Variants in VPS26C observed in about 807,000 individuals in gnomAD.
VPS26C encodes VPS26 endosomal protein sorting factor C.
In VPS26C, 19 loss-of-function variants were observed where a neutral mutation model predicts 30.6. That is an observed-to-expected ratio of 0.62 (90% confidence interval 0.43 to 0.91). The LOEUF is 0.91. Among genes scored for constraint, VPS26C ranks in the 40% least tolerant of loss-of-function variants. The probability of loss-of-function intolerance (pLI) is 0.00; values close to 1 mark genes in which losing one functional copy is unlikely to be tolerated. For missense variants in VPS26C, 318 were observed against 385.1 expected (o/e 0.83, Z 1.46); for synonymous variants, 132 against 151.5 (o/e 0.87, Z 0.95).
At chr21:37,235,471 T>A (rs1365819394) in intron 3 of VPS26C, among the ~76,000 whole-genome samples, 1 of 152,222 alleles carries the variant, frequency 6.6e-6, no homozygotes, top group Non-Finnish European at 1.5e-5. Flanking sequence ...ATAAAAGGAA[T>A]TTTTAACTTT....
In VPS26C at chr21:37,240,465, A is replaced by G. The variant is rs752828102; in HGVS notation, c.201+31T>C. The G allele has an allele frequency of 7.5e-6, 12 of 1,608,334 alleles. No individual in the cohort carries two copies. In the South Asian group the frequency reaches 1.3e-4, roughly 18 times the overall value. On this transcript the variant is annotated intron_variant, in intron 2 of 7. Transcript: ENST00000309117. ...CAGCCCAACATTTCAATATTGAACT[A>G]AAAACTTGCAATCTAAGCATTCTTT...
At chr21:37,267,388 T>TC, upstream of VPS26C, 4 of 1,149,502 alleles carry the variant, frequency 3.5e-6, no homozygotes, top group Non-Finnish European at 5.2e-6. Flanking sequence ...CCCGCCCCTT[T>TC]CCCTCTCTGC....
At chr21:37,254,013 G>A (rs1290743320) in intron 1 of VPS26C, among the ~76,000 whole-genome samples, 3 of 152,194 alleles carry the variant, frequency 2.0e-5, no homozygotes, top group South Asian at 2.1e-4. Flanking sequence ...ACTGGCATAA[G>A]TGCATGTAAA....
At chr21:37,264,492 A>G (rs1210223809) in intron 1 of VPS26C, among the ~76,000 whole-genome samples, 2 of 152,212 alleles carry the variant, frequency 1.3e-5, no homozygotes, top group Non-Finnish European at 2.9e-5. Context: ...CATATTTAAA[A>G]CCACAGAAAA....
At chr21:37,260,292 G>A (rs2086291014) in intron 1 of VPS26C, among the ~76,000 whole-genome samples, 1 of 152,052 alleles carries the variant, frequency 6.6e-6, no homozygotes, top group Admixed American at 6.5e-5. Context: ...GTGTTTCCAT[G>A]GGAAATTTAA....
At position 37,232,366 on chromosome 21, in the gene VPS26C, G is replaced by C. The variant is rs537961312; in HGVS notation, c.507+11C>G. On this transcript the variant is annotated intron_variant, in intron 5 of 7. Coordinates refer to ENST00000309117, the MANE Select transcript of VPS26C (RefSeq NM_006052.2). ...GATACCCACGGCATTCGCCTGTGCA[G>C]GACGTCTTACCTCTTTGACGTTCTG... 4.3e-6 allele frequency: 7 copies of C among 1,613,332 alleles called. No individual in the cohort carries two copies. The South Asian group carries it at 7.7e-5, about 18-fold the overall frequency.
At chr21:37,267,214 T>TACC in intron 1 of VPS26C, 24 bp downstream of exon 1, 2 of 457,108 alleles carry the variant, frequency 4.4e-6, no homozygotes, top group Admixed American at 2.6e-5. Flanking sequence ...CCCACCTCCA[T>TACC]CCCCACCCCC....
At chr21:37,242,872 C>T (rs1223653661) in intron 1 of VPS26C, among the ~76,000 whole-genome samples, 2 of 152,118 alleles carry the variant, frequency 1.3e-5, no homozygotes, top group South Asian at 2.1e-4. Flanking sequence ...TGACATACCT[C>T]GGAAGTAAGC....
Position 37,248,405 on chromosome 21 carries a change from C to T in VPS26C, c.58-7766G>A, listed in dbSNP as rs531718155. Among the ~76,000 whole-genome samples the T allele has an allele frequency of 4.0e-5, 6 of 151,690 alleles. No individual in the cohort carries two copies. The South Asian group carries it at 1.3e-3, about 32-fold the overall frequency. On this transcript the variant is annotated intron_variant, in intron 1 of 7. Transcript: ENST00000309117. ...AATCAAAAAAGAAAAACACAAATAT[C>T]CAAAATAAGAAATAAGAGCAGAAAT...
At position 37,232,402 on chromosome 21, in the gene VPS26C, G is replaced by C. The variant is rs571301330; in HGVS notation, c.482C>G (p.Pro161Arg). 10 of 1,614,204 alleles carry C rather than the reference G, an allele frequency of 6.2e-6. No homozygotes were observed. The highest frequency in any genetic ancestry group is 1.3e-5 in the African/African-American group (1 of 75,064). Residue 161 changes from proline (P) to arginine (R), a missense_variant, in exon 5 of 8, where the codon CCT becomes CGT. Coordinates refer to ENST00000309117, the MANE Select transcript of VPS26C (RefSeq NM_006052.2). The part of the protein sequence containing the change: ...TPSPVDFTIT[P>R]ETLQNVKERA... ...CTCTTTGACGTTCTGTAAGGTTTCA[G>C]GTGTAATCGTGAAGTCCACGGGACT...
At chr21:37,249,283 A>C (rs1020225952) in intron 1 of VPS26C, among the ~76,000 whole-genome samples, 5 of 152,204 alleles carry the variant, frequency 3.3e-5, no homozygotes, top group Non-Finnish European at 5.9e-5. Flanking sequence ...TACTTGCACA[A>C]TGAGTGTATA....
rs1286429144 is a variant in VPS26C, at chr21:37,257,856, T to C, written c.57+9382A>G. Reference sequence around the variant, plus strand: ...ATTGGAAACAGTCCAGACAGAACGATGGGCTCTGCTGCCTCCGGGTGGGGC... The same window carrying C: ...ATTGGAAACAGTCCAGACAGAACGACGGGCTCTGCTGCCTCCGGGTGGGGC... On this transcript the variant is annotated intron_variant, in intron 1 of 7. Transcript: ENST00000309117. This position sits in a 1 kb window ranked among gnomAD's most constrained non-coding sequence, Gnocchi z 4.2. Among the ~76,000 whole-genome samples the C allele has an allele frequency of 2.6e-5, 4 of 152,074 alleles. No homozygotes were observed. The highest frequency in any genetic ancestry group is 4.4e-5 in the Non-Finnish European group (3 of 67,994).
chr21:37,244,261 CTCT>C (rs2086115719), intron 1 of VPS26C, among the ~76,000 whole-genome samples: 1 of 152,234 alleles, frequency 6.6e-6, no homozygotes, highest in African/African-American at 2.4e-5. Context: ...ACTTTGTATT[CTCT>C]TTTTTTTCCT....
intron 1 of VPS26C, among the ~76,000 whole-genome samples, chr21:37,258,564 CTTTGT>C (rs2148307923): frequency 6.6e-6 from 1 of 152,164 alleles, no homozygotes; most frequent in African/African-American, 2.4e-5. Flanking sequence ...TTTTTTCTTC[CTTTGT>C]TAACAGGCAG....
chr21:37,245,244 C>G lies in VPS26C; in HGVS notation c.58-4605G>C, dbSNP rs78729507. Among the ~76,000 whole-genome samples the G allele has an allele frequency of 3.8e-4, 58 of 152,354 alleles. 1 individual carries two copies. In the East Asian group the frequency reaches 9.3e-3, roughly 24 times the overall value. On this transcript the variant is annotated intron_variant, in intron 1 of 7. Coordinates refer to ENST00000309117, the MANE Select transcript of VPS26C (RefSeq NM_006052.2). The stretch of plus-strand genomic sequence containing the variant: ...TGAATGCGAAAGCCAGGTCAGGTCA[C>G]TGTTCCACTTAGATTTTTCAGCAGC...
In VPS26C at chr21:37,233,451, G is replaced by A; in HGVS notation, c.352-9C>T. 6.2e-7 allele frequency: 1 copy of A among 1,609,960 alleles called. No individual in the cohort carries two copies. Among genetic ancestry groups the A allele is most frequent in the South Asian group, 1.1e-5 (1 of 90,978 alleles). ...TCACAGCGCAGTGTATACTAAAGGG[G>A]AGAGTTGGAGGAAAAAAGTTCATTT... On this transcript the variant is annotated splice_polypyrimidine_tract_variant and intron_variant, in intron 3 of 7. Transcript: ENST00000309117. The surrounding 1 kb of genome is among the most constrained non-coding windows in gnomAD (Gnocchi z 5.2).
intron 1 of VPS26C, among the ~76,000 whole-genome samples, chr21:37,244,281 C>G (rs993338629): frequency 2.6e-5 from 4 of 152,282 alleles, no homozygotes; most frequent in African/African-American, 7.2e-5. Context: ...TCCTCATTCA[C>G]TCTGTCACCC....
intron 1 of VPS26C, among the ~76,000 whole-genome samples, chr21:37,243,588 T>C (rs1403731670): frequency 6.6e-6 from 1 of 152,168 alleles, no homozygotes; most frequent in Non-Finnish European, 1.5e-5. Flanking sequence ...GTGAATACTT[T>C]TCAGTTATCC....
chr21:37,265,046 T>C (rs1018531505), intron 1 of VPS26C, among the ~76,000 whole-genome samples: 1 of 152,114 alleles, frequency 6.6e-6, no homozygotes, highest in Non-Finnish European at 1.5e-5. Flanking sequence ...AAGGGCCACA[T>C]AGTGTACGAT....
Sources: allele counts gnomAD v4.1 joint callset (sites outside exome capture counted in the v4.1 genomes callset), GRCh38; gene constraint gnomAD v4.1.1; non-coding constraint Gnocchi (gnomAD v3.1); transcripts MANE v1.5; gene names NCBI Gene and HGNC (gene_info 2026-07-23, HGNC 2026-07-21).